The following DYNC1H1 variants were observed in gnomAD, a reference collection of about 807,000 sequenced individuals.
The protein encoded by DYNC1H1 is dynein cytoplasmic 1 heavy chain 1, also known as cytoplasmic dynein 1 heavy chain 1.
In DYNC1H1, 51 loss-of-function variants were observed where a neutral mutation model predicts 527.1. The observed-to-expected ratio is 0.10, with a 90% CI of 0.08 to 0.12. The LOEUF (loss-of-function observed/expected upper bound fraction) is 0.12. Among genes scored for constraint, DYNC1H1 ranks in the 10% least tolerant of loss-of-function variants. The pLI is 1.00. For synonymous variants in DYNC1H1, 2,189 were observed against 2,278.8 expected (o/e 0.96, Z 1.12); for missense variants, 2,771 against 5,971.8 (o/e 0.46, Z 17.66).
chr14:102,028,287 G>T, intron 48 of DYNC1H1, 146 bp downstream of exon 48: 1 of 939,476 alleles, frequency 1.1e-6, no homozygotes, highest in African/African-American at 1.6e-5. Flanking sequence ...CAAGGCGGGA[G>T]GATCACTTGA....
Position 102,039,730 on chromosome 14 carries a change from G to A in DYNC1H1, c.11688G>A (p.Val3896=), listed in dbSNP as rs1198026735. ...CAAGAATCAAACTGAAGGGCACCGT[G>A]GGGTAAGAGCACTCACGCCCACAGG... ...LLARIKLKGT[V]GEPTYDAEFQ... is the part of the protein sequence containing the mutation. The change falls in exon 62 of 78, where the codon GTG becomes GTA. Residue 3896 remains valine (V), a splice_region_variant and synonymous_variant. Coordinates refer to ENST00000360184, the MANE Select transcript of DYNC1H1 (RefSeq NM_001376.5). This position sits in a 1 kb window ranked among gnomAD's most constrained non-coding sequence, Gnocchi z 7.0. 1 of 1,614,174 alleles carries A rather than the reference G, an allele frequency of 6.2e-7. No individual in the cohort carries two copies. Among genetic ancestry groups the A allele is most frequent in the Non-Finnish European group, 8.5e-7 (1 of 1,180,044 alleles).
Position 102,041,767 on chromosome 14 carries a change from A to G in DYNC1H1, c.12102+33A>G, listed in dbSNP as rs1441068580. ...CCTGGTACAGCCCGGGCTTCCCACGAGACTCCATGCCCACCTCCCCAGCCA... is the reference window on the plus strand; with the variant it reads ...CCTGGTACAGCCCGGGCTTCCCACGGGACTCCATGCCCACCTCCCCAGCCA... On this transcript the variant is annotated intron_variant, in intron 65 of 77. Transcript: ENST00000360184. The surrounding 1 kb of genome is among the most constrained non-coding windows in gnomAD (Gnocchi z 4.5). 1 of 1,613,124 alleles carries G rather than the reference A, an allele frequency of 6.2e-7. No individual in the cohort carries two copies. Among genetic ancestry groups the G allele is most frequent in the Non-Finnish European group, 8.5e-7 (1 of 1,180,008 alleles).
At position 102,047,986 on chromosome 14, in the gene DYNC1H1, C is replaced by T. The variant is rs766805479; in HGVS notation, c.13176C>T (p.Pro4392=). ...CGTCCAACTGGCTGCACCTCATCCCCCAGACGCTGAGCCACCTCAAGCGCA... is the reference window on the plus strand; with the variant it reads ...CGTCCAACTGGCTGCACCTCATCCCTCAGACGCTGAGCCACCTCAAGCGCA... ...TTASNWLHLI[P]QTLSHLKRTV... The change falls in exon 73 of 78, where the codon CCC becomes CCT. Residue 4392 remains proline, a synonymous_variant. Coordinates refer to ENST00000360184, the MANE Select transcript of DYNC1H1 (RefSeq NM_001376.5). The T allele has an allele frequency of 2.2e-5, 36 of 1,612,342 alleles. 1 individual carries two copies. The South Asian group carries it at 3.6e-4, about 16-fold the overall frequency.
In DYNC1H1 at chr14:102,044,724, C is replaced by T. The variant is rs368296738; in HGVS notation, c.13006+26C>T. ...GTAGGCAACAAGGATCCTCCCCACA[C>T]GCAGGGTGGGTGGCGAGGGTCCCCT... is the stretch of plus-strand genomic sequence containing the variant. On this transcript the variant is annotated intron_variant, in intron 72 of 77. Transcript: ENST00000360184. The surrounding 1 kb of genome is among the most constrained non-coding windows in gnomAD (Gnocchi z 7.1). The T allele has an allele frequency of 1.4e-5, 23 of 1,611,724 alleles. No homozygotes were observed. In the Admixed American group the frequency reaches 1.8e-4, roughly 13 times the overall value.
At chr14:101,996,520 G>GC (rs1756197100) in intron 15 of DYNC1H1, among the ~76,000 whole-genome samples, 2 of 152,212 alleles carry the variant, frequency 1.3e-5, no homozygotes, top group African/African-American at 4.8e-5. Context: ...GCAGTGCAGT[G>GC]CAACACCCAG....
chr14:102,006,822 A>G (rs1472805320), intron 27 of DYNC1H1, among the ~76,000 whole-genome samples, 186 bp from the exon 28 acceptor site: 2 of 150,604 alleles, frequency 1.3e-5, no homozygotes, highest in East Asian at 2.0e-4. Context: ...CTGGTCTCGA[A>G]CTCCTGACCT....
At chr14:102,048,359 G>A in intron 73 of DYNC1H1, 157 bp from the exon 74 acceptor site, 2 of 1,041,840 alleles carry the variant, frequency 1.9e-6, no homozygotes, top group East Asian at 5.2e-5. Flanking sequence ...CTTCACACAA[G>A]CTCGGTTCCA....
In DYNC1H1 at chr14:101,965,406, G is replaced by T. The variant is rs1465362543; in HGVS notation, c.256+459G>T. ...CGGTTTCGATTTGTGTCCAAGCCAA[G>T]TGGCCTTCGGGAGGGATGTGTCGGG... On this transcript the variant is annotated intron_variant, in intron 1 of 77. Coordinates refer to ENST00000360184, the MANE Select transcript of DYNC1H1 (RefSeq NM_001376.5). This position sits in a 1 kb window ranked among gnomAD's most constrained non-coding sequence, Gnocchi z 4.1. Among the ~76,000 whole-genome samples the T allele has an allele frequency of 6.6e-6, 1 of 152,242 alleles. No homozygotes were observed. Among genetic ancestry groups the T allele is most frequent in the Non-Finnish European group, 1.5e-5 (1 of 68,044 alleles).
chr14:102,023,057 G>C (rs1314837968), intron 43 of DYNC1H1, 177 bp downstream of exon 43: 2 of 1,012,680 alleles, frequency 2.0e-6, no homozygotes, highest in African/African-American at 1.6e-5. Flanking sequence ...GATCCCAGGA[G>C]TTTGAGACCA....
At position 102,050,197 on chromosome 14, in the gene DYNC1H1, T is replaced by C. The variant is rs777749552; in HGVS notation, c.13811T>C (p.Val4604Ala). 6.2e-7 allele frequency: 1 copy of C among 1,612,776 alleles called. No homozygotes were observed. Among genetic ancestry groups the C allele is most frequent in the Non-Finnish European group, 8.5e-7 (1 of 1,179,744 alleles). Residue 4604 changes from valine to alanine, a missense_variant and splice_region_variant, in exon 77 of 78, where the codon GTG becomes GCG. Physicochemically the swap from Val to Ala is moderately conservative, Grantham distance 64. Around this residue, in one of 32 missense-constraint regions of DYNC1H1, gnomAD observed 106 missense variants for 139.2 expected, o/e 0.76. Transcript: ENST00000360184. ...ACAAACACCGAGAAGAAGGCCAGTG[T>C]GGTAAGGAGGCACTGCCTTTCCCAG... Reference protein sequence around the residue: ...KQTNTEKKASVVTLPVYLNFT... With the variant: ...KQTNTEKKASAVTLPVYLNFT...
In DYNC1H1 at chr14:102,038,477, T is replaced by C; in HGVS notation, c.10926T>C (p.Asp3642=). The change falls in exon 58 of 78, where the codon GAT becomes GAC. Residue 3642 remains aspartate, a synonymous_variant. Coordinates refer to ENST00000360184, the MANE Select transcript of DYNC1H1 (RefSeq NM_001376.5). This position sits in a 1 kb window ranked among gnomAD's most constrained non-coding sequence, Gnocchi z 7.2. ...PLLVQDVESY[D]PVLNPVLNRE... ...GAATGCAGGATGTGGAAAGCTACGATCCAGTTTTGAACCCGGTGCTGAACC... is the reference window on the plus strand; with the variant it reads ...GAATGCAGGATGTGGAAAGCTACGACCCAGTTTTGAACCCGGTGCTGAACC... The C allele has an allele frequency of 6.2e-7, 1 of 1,614,072 alleles. No individual in the cohort carries two copies. The highest frequency in any genetic ancestry group is 8.5e-7 in the Non-Finnish European group (1 of 1,180,022).
rs2048655881 is a variant in DYNC1H1, at chr14:102,041,929, C to A, written c.12103-84C>A. The stretch of plus-strand genomic sequence containing the variant: ...GGCCCAGAAAGAACATCTTCTCAGG[C>A]CCCTCACTCGGGGCTCTCCTTTCCC... On this transcript the variant is annotated intron_variant, in intron 65 of 77. Transcript: ENST00000360184. The surrounding 1 kb of genome is among the most constrained non-coding windows in gnomAD (Gnocchi z 4.5). 7 of 1,527,102 alleles carry A rather than the reference C, an allele frequency of 4.6e-6. No homozygotes were observed. The East Asian group carries it at 1.4e-4, about 30-fold the overall frequency. 94.6% of individuals were successfully genotyped at this position (1,527,102 alleles called of 1,614,324 possible).
Position 102,055,070 on chromosome 14 carries a change from T to A in DYNC1H1, c.*4507T>A, listed in dbSNP as rs2152603509. Reference sequence around the variant, plus strand: ...TGCCTCCTGGCCACTCCTTCTGGACTTTTCTTTCCTAGCCCAGGTCAAAGT... The same window carrying A: ...TGCCTCCTGGCCACTCCTTCTGGACATTTCTTTCCTAGCCCAGGTCAAAGT... On this transcript the variant is annotated 3_prime_UTR_variant, in exon 78 of 78. Transcript: ENST00000360184. 6.6e-6 allele frequency: 1 copy of A among 152,260 alleles called. No individual in the cohort carries two copies. Among genetic ancestry groups the A allele is most frequent in the African/African-American group, 2.4e-5 (1 of 41,538 alleles). The allele number at this position is 152,260 out of a possible 1,614,324, so 9.4% of individuals were successfully genotyped here.
chr14:101,998,879 C>CTTTTCT (rs2048095707), intron 16 of DYNC1H1, among the ~76,000 whole-genome samples: 2 of 115,220 alleles, frequency 1.7e-5, no homozygotes, highest in African/African-American at 7.5e-5. Flanking sequence ...AAAACTTTTT[C>CTTTTCT]TTTTTTTTTT....
Position 102,053,751 on chromosome 14 carries a change from G to GTTT in DYNC1H1, c.*3201_*3203dup, listed in dbSNP as rs952994047. On this transcript the variant is annotated 3_prime_UTR_variant, in exon 78 of 78. Coordinates refer to ENST00000360184, the MANE Select transcript of DYNC1H1 (RefSeq NM_001376.5). ...GCCACCACACTCGGCCTCTTTGTTT[G>GTTT]TTTTTTTTTTTTTTTGAGACAGTCT... 929 of 118,188 alleles carry GTTT rather than the reference G, an allele frequency of 7.9e-3. 16 individuals carry two copies. The highest frequency in any genetic ancestry group is 0.027 in the African/African-American group (780 of 29,032). The allele number at this position is 118,188 out of a possible 1,614,324, so 7.3% of individuals were successfully genotyped here. A position where few individuals can be genotyped will look rare whatever the true frequency, so the allele number is the denominator to read the frequency against.
intron 42 of DYNC1H1, among the ~76,000 whole-genome samples, chr14:102,021,291 C>A (rs893794118): frequency 6.6e-6 from 1 of 152,082 alleles, no homozygotes; most frequent in African/African-American, 2.4e-5. Context: ...ACAGGAAGAT[C>A]GATTGAGCCT....
At chr14:101,967,699 G>C (rs1295098436) in intron 1 of DYNC1H1, among the ~76,000 whole-genome samples, 2 of 152,112 alleles carry the variant, frequency 1.3e-5, no homozygotes, top group Non-Finnish European at 2.9e-5. Context: ...AATAAGCCAG[G>C]CATGGTGGTG....
At chr14:102,045,646 T>C (rs1422359003) in intron 72 of DYNC1H1, among the ~76,000 whole-genome samples, 1 of 152,096 alleles carries the variant, frequency 6.6e-6, no homozygotes, top group Non-Finnish European at 1.5e-5. Flanking sequence ...CTTTTTTTTT[T>C]CTTCAAGAGT....
intron 34 of DYNC1H1, among the ~76,000 whole-genome samples, chr14:102,013,983 G>A (rs1352542447): frequency 1.3e-5 from 2 of 152,202 alleles, no homozygotes; most frequent in South Asian, 4.1e-4. Flanking sequence ...TTAACAACAA[G>A]GCTTAGGATT....
Sources: allele counts gnomAD v4.1 joint callset (sites outside exome capture counted in the v4.1 genomes callset), GRCh38; gene constraint gnomAD v4.1.1; regional missense constraint gnomAD v4.1.1; non-coding constraint Gnocchi (gnomAD v3.1); transcripts MANE v1.5; gene names NCBI Gene and HGNC (gene_info 2026-07-23, HGNC 2026-07-21).